Variants in EDAR observed in about 807,000 individuals in gnomAD.
The protein encoded by EDAR is ectodysplasin A receptor.
Under a neutral mutation model 51.3 loss-of-function variants are expected in EDAR, and 38 were observed. The observed-to-expected ratio is 0.74, with a 90% CI of 0.57 to 0.97. EDAR has a LOEUF of 0.97. Among genes scored for constraint, EDAR ranks in the 50% least tolerant of loss-of-function variants. The pLI, the probability that EDAR is intolerant of heterozygous loss-of-function variation, is 0.00. For missense variants in EDAR, 528 were observed against 595.0 expected (o/e 0.89, Z 1.17); for synonymous variants, 227 against 242.1 (o/e 0.94, Z 0.58).
Position 108,984,775 on chromosome 2 carries a change from C to G in EDAR, c.-19+4185G>C, listed in dbSNP as rs552801250. Among the ~76,000 whole-genome samples, 208 of 152,232 alleles carry G rather than the reference C, an allele frequency of 1.4e-3. 1 individual carries two copies. The highest frequency in any genetic ancestry group is 4.8e-3 in the African/African-American group (201 of 41,544). The stretch of plus-strand genomic sequence containing the variant: ...AGCTCTGTGAGTGCAGGGATGTTCT[C>G]TCTCCTCACCCATGGGACCACTGTG... On this transcript the variant is annotated intron_variant, in intron 1 of 11. Coordinates refer to ENST00000258443, the MANE Select transcript of EDAR (RefSeq NM_022336.4).
rs1419294700 is a variant in EDAR, at chr2:108,937,697, GTGTGAGTGTA to G, written c.-18-6675_-18-6666del. Among the ~76,000 whole-genome samples the G allele has an allele frequency of 8.6e-3, 1,301 of 152,120 alleles. 19 individuals are homozygous for G. The highest frequency in any genetic ancestry group is 0.03 in the African/African-American group (1,247 of 41,486). Reference sequence around the variant, plus strand: ...GTATAAGTGTATGTGATGTGTATGTGTGTGAGTGTATGTGTGTGTATGTGTGTGTGTATCT... The same window carrying G: ...GTATAAGTGTATGTGATGTGTATGTGTGTGTGTGTATGTGTGTGTGTATCT... On this transcript the variant is annotated intron_variant, in intron 1 of 11. Transcript: ENST00000258443.
intron 11 of EDAR, among the ~76,000 whole-genome samples, chr2:108,900,720 A>G (rs1696684296): frequency 6.6e-6 from 1 of 152,246 alleles, no homozygotes; most frequent in African/African-American, 2.4e-5. Context: ...ATGGAAAAAT[A>G]CATATCATGC....
intron 6 of EDAR, among the ~76,000 whole-genome samples, chr2:108,912,257 G>C (rs1282349401): frequency 6.6e-6 from 1 of 152,202 alleles, no homozygotes; most frequent in Non-Finnish European, 1.5e-5. Context: ...TTCTTCCCTG[G>C]TTAGGGAGAA....
Position 108,907,979 on chromosome 2 carries a change from G to T in EDAR, c.844C>A (p.Arg282=). 6.2e-7 allele frequency: 1 copy of T among 1,612,128 alleles called. No homozygotes were observed. Among genetic ancestry groups the T allele is most frequent in the African/African-American group, 1.3e-5 (1 of 75,014 alleles). The change falls in exon 10 of 12, where the codon CGG becomes AGG. Residue 282 remains arginine (R), a synonymous_variant. Transcript: ENST00000258443. ...ASSENEQLLS[R]SVDSDEEPAP... is the part of the protein sequence containing the mutation. ...GGCTCCTCATCACTGTCGACGCTCC[G>T]GCTCAGCAGCTGCTCATTCTCGGAT...
At chr2:108,908,145 G>A (rs1198343787) in intron 9 of EDAR, 126 bp from the exon 10 acceptor site, 1 of 1,087,560 alleles carries the variant, frequency 9.2e-7, no homozygotes, top group South Asian at 1.7e-5. Context: ...TGTTTTTCAG[G>A]TGTTTACTGG....
intron 1 of EDAR, among the ~76,000 whole-genome samples, chr2:108,972,603 T>C (rs944565728): frequency 1.3e-5 from 2 of 152,254 alleles, no homozygotes; most frequent in Admixed American, 6.5e-5. Flanking sequence ...CAAGTGTTGG[T>C]AAAACAAGTG....
At chr2:108,955,619 A>C (rs1326261846) in intron 1 of EDAR, among the ~76,000 whole-genome samples, 5 of 152,110 alleles carry the variant, frequency 3.3e-5, no homozygotes, top group African/African-American at 9.7e-5. Flanking sequence ...GAAGCAGGAC[A>C]ATCTTGAGCC....
At chr2:108,932,371 A>AG (rs1697381948) in intron 1 of EDAR, among the ~76,000 whole-genome samples, 1 of 151,794 alleles carries the variant, frequency 6.6e-6, no homozygotes, top group Non-Finnish European at 1.5e-5. Flanking sequence ...TACTAAAAAT[A>AG]CAAAAAAATT....
chr2:108,917,170 A>C (rs1697043505), intron 5 of EDAR, among the ~76,000 whole-genome samples: 1 of 152,218 alleles, frequency 6.6e-6, no homozygotes, highest in Non-Finnish European at 1.5e-5. Flanking sequence ...TGTGGCAAAA[A>C]AGGAAATGGA....
At chr2:108,934,910 C>T (rs1171529196) in intron 1 of EDAR, among the ~76,000 whole-genome samples, 1 of 152,206 alleles carries the variant, frequency 6.6e-6, no homozygotes, top group Non-Finnish European at 1.5e-5. Flanking sequence ...CTGAGGCAGA[C>T]AAGGCTGCTG....
chr2:108,928,356 G>A (rs1033924540), intron 4 of EDAR, among the ~76,000 whole-genome samples: 1 of 152,140 alleles, frequency 6.6e-6, no homozygotes, highest in African/African-American at 2.4e-5. Context: ...GCCATGAGGT[G>A]AGAGGTCCTT....
chr2:108,919,315 T>G (rs1042884505), intron 5 of EDAR, among the ~76,000 whole-genome samples: 7 of 152,320 alleles, frequency 4.6e-5, no homozygotes, highest in Non-Finnish European at 7.4e-5. Context: ...AGAAAACAGC[T>G]GCCAGGCTAT....
chr2:108,902,245 A>C (rs1696714641), intron 11 of EDAR, among the ~76,000 whole-genome samples: 1 of 151,782 alleles, frequency 6.6e-6, no homozygotes, highest in Admixed American at 6.6e-5. Context: ...CCATGGTGGC[A>C]TGTGCCTATA....
intron 5 of EDAR, among the ~76,000 whole-genome samples, chr2:108,921,693 G>C (rs1230741265): frequency 6.6e-6 from 1 of 152,170 alleles, no homozygotes; most frequent in African/African-American, 2.4e-5. Flanking sequence ...TCTGGATTGA[G>C]ACCAGGGCAG....
At chr2:108,975,419 C>A (rs942730511) in intron 1 of EDAR, among the ~76,000 whole-genome samples, 1 of 152,146 alleles carries the variant, frequency 6.6e-6, no homozygotes, top group African/African-American at 2.4e-5. Context: ...GAGCATGGGC[C>A]GGCGAGACAT....
chr2:108,920,807 T>C (rs972400523), intron 5 of EDAR, among the ~76,000 whole-genome samples: 2 of 152,182 alleles, frequency 1.3e-5, no homozygotes, highest in African/African-American at 4.8e-5. Context: ...GGGGCACTCA[T>C]GATGTGCTTC....
At position 108,951,025 on chromosome 2, in the gene EDAR, A is replaced by G. The variant is rs530532657; in HGVS notation, c.-18-19993T>C. On this transcript the variant is annotated intron_variant, in intron 1 of 11. Transcript: ENST00000258443. The stretch of plus-strand genomic sequence containing the variant: ...AGCATCTGGGAGCACTGATGCTTCT[A>G]TATTGAAGGGGCCACTTGTGAGGCA... Among the ~76,000 whole-genome samples, 4 of 152,322 alleles carry G rather than the reference A, an allele frequency of 2.6e-5. No homozygotes were observed. In the South Asian group the frequency reaches 8.3e-4, roughly 32 times the overall value.
chr2:108,907,741 G>C, intron 10 of EDAR, 119 bp downstream of exon 10: 1 of 1,188,914 alleles, frequency 8.4e-7, no homozygotes, highest in South Asian at 1.2e-5. Context: ...CTCCTATCTT[G>C]GACTTCTGGG....
chr2:108,968,189 G>A (rs888877515), intron 1 of EDAR, among the ~76,000 whole-genome samples: 1 of 152,054 alleles, frequency 6.6e-6, no homozygotes, highest in Admixed American at 6.6e-5. Flanking sequence ...TCTCAAAGTG[G>A]GGTCCACATA....
Sources: allele counts gnomAD v4.1 joint callset (sites outside exome capture counted in the v4.1 genomes callset), GRCh38; gene constraint gnomAD v4.1.1; transcripts MANE v1.5; gene names NCBI Gene and HGNC (gene_info 2026-07-23, HGNC 2026-07-21).